COL24A1: variants seen among roughly 807,000 people sequenced by gnomAD.
COL24A1 encodes the protein collagen alpha-1(XXIV) chain.
COL24A1 carries 224 observed loss-of-function variants against 253.9 expected under a neutral mutation model. The ratio of observed to expected loss-of-function variants is 0.88; its 90% CI spans 0.79 to 0.99. The LOEUF is 0.99. Ranked by LOEUF, COL24A1 falls within the 50% of genes least tolerant of loss-of-function variation. The probability of loss-of-function intolerance (pLI) is 0.00; values close to 1 mark genes in which losing one functional copy is unlikely to be tolerated. For missense variants in COL24A1, 2,131 were observed against 2,068.5 expected, an observed-to-expected ratio of 1.03 and a Z score of -0.59; for synonymous variants, 685 against 673.7, an observed-to-expected ratio of 1.02 and a Z score of -0.26.
chr1:85,963,926 T>C (rs576413013), intron 23 of COL24A1, among the ~76,000 whole-genome samples: 2 of 152,182 alleles, frequency 1.3e-5, no homozygotes, highest in African/African-American at 4.8e-5. Context: ...TTGTAAATAC[T>C]ACAATCCTAT....
intron 47 of COL24A1, among the ~76,000 whole-genome samples, chr1:85,801,423 T>C (rs1245298381): frequency 6.6e-6 from 1 of 152,196 alleles, no homozygotes; most frequent in African/African-American, 2.4e-5. Context: ...AGGTAATATA[T>C]TTATTTCTCC....
In COL24A1 at chr1:86,089,168, A is replaced by T. The variant is rs560550022; in HGVS notation, c.1707+6T>A. 50 of 1,572,288 alleles carry T rather than the reference A, an allele frequency of 3.2e-5. No individual in the cohort carries two copies. The highest frequency in any genetic ancestry group is 4.3e-5 in the Admixed American group (2 of 46,124). ...AAAAAAGAAAAGAAGTAAAATTCCA[A>T]CTTACCTTATCACCTTGCATACCAG... On this transcript the variant is annotated splice_donor_region_variant and intron_variant, in intron 7 of 59. Transcript: ENST00000370571.
In COL24A1 at chr1:86,012,121, A is replaced by C. The variant is rs573613019; in HGVS notation, c.2310+5030T>G. ...AGCATAAGCCACCATGCCCAGCCTT[A>C]AAAATAAAAAAAATAAATAAAAATA... On this transcript the variant is annotated intron_variant, in intron 19 of 59. Transcript: ENST00000370571. Among the ~76,000 whole-genome samples, 95 of 152,164 alleles carry C rather than the reference A, an allele frequency of 6.2e-4. 1 individual carries two copies. The highest frequency in any genetic ancestry group is 2.2e-3 in the African/African-American group (92 of 41,546).
At chr1:85,977,404 GA>G (rs1692794216) in intron 20 of COL24A1, among the ~76,000 whole-genome samples, 1 of 152,080 alleles carries the variant, frequency 6.6e-6, no homozygotes, top group Admixed American at 6.6e-5. Context: ...TCAGAATATT[GA>G]TTATTAAGCT....
chr1:86,135,036 C>T (rs569517408), intron 2 of COL24A1, among the ~76,000 whole-genome samples: 14 of 151,760 alleles, frequency 9.2e-5, no homozygotes, highest in East Asian at 7.8e-4. Flanking sequence ...GGTGCTCCTG[C>T]ATTGGGTGTA....
intron 2 of COL24A1, among the ~76,000 whole-genome samples, chr1:86,127,398 AT>A (rs1322920600): frequency 6.6e-6 from 1 of 152,022 alleles, no homozygotes; most frequent in Non-Finnish European, 1.5e-5. Context: ...TGTCTGATTC[AT>A]TATTGGATCT....
intron 47 of COL24A1, among the ~76,000 whole-genome samples, chr1:85,805,071 C>T (rs1252866371): frequency 1.3e-5 from 2 of 152,084 alleles, no homozygotes; most frequent in African/African-American, 4.8e-5. Context: ...GAAGTCCTGG[C>T]CTCAAGAGGT....
intron 19 of COL24A1, among the ~76,000 whole-genome samples, chr1:85,993,998 A>G (rs1020511333): frequency 1.3e-5 from 2 of 152,016 alleles, no homozygotes; most frequent in African/African-American, 4.8e-5. Context: ...TAGCTTTAAG[A>G]TGTCCTGTTG....
rs182285149 is a variant in COL24A1 at position 86,108,509 on chromosome 1, G to A, written c.1599+4058C>T. Among the ~76,000 whole-genome samples the A allele has an allele frequency of 2.7e-3, 414 of 150,682 alleles. 2 individuals carry two copies. Among genetic ancestry groups the A allele is most frequent in the African/African-American group, 9.8e-3 (402 of 41,052 alleles). ...TTAAGAAAGGACTCTCGGGCTGGTC[G>A]CGGTGGCTCACGCCTGTACTCCCAG... On this transcript the variant is annotated intron_variant, in intron 5 of 59. Transcript: ENST00000370571.
intron 5 of COL24A1, among the ~76,000 whole-genome samples, chr1:86,106,651 T>C (rs897693320): frequency 6.6e-6 from 1 of 152,076 alleles, no homozygotes; most frequent in Non-Finnish European, 1.5e-5. Flanking sequence ...ATAAATAGAA[T>C]ACAGTTCATT....
chr1:85,908,450 GTGTTT>G (rs1685051691), intron 27 of COL24A1, 143 bp downstream of exon 27: 1 of 460,384 alleles, frequency 2.2e-6, no homozygotes, highest in Non-Finnish European at 4.0e-6. Context: ...AAATTCAAGA[GTGTTT>G]TGTATAGTTG....
At chr1:85,907,010 C>T (rs1281571339) in intron 28 of COL24A1, among the ~76,000 whole-genome samples, 184 bp downstream of exon 28, 2 of 151,652 alleles carry the variant, frequency 1.3e-5, no homozygotes, top group Non-Finnish European at 3.0e-5. Context: ...TTTATAACTA[C>T]AAAAGATTAT....
At chr1:85,899,067 A>T (rs1684033401) in intron 28 of COL24A1, among the ~76,000 whole-genome samples, 1 of 152,202 alleles carries the variant, frequency 6.6e-6, no homozygotes, top group African/African-American at 2.4e-5. Context: ...AGTTTTAAGC[A>T]TGAAGGTCCC....
intron 11 of COL24A1, among the ~76,000 whole-genome samples, chr1:86,047,204 C>A (rs1699974435): frequency 6.6e-6 from 1 of 152,184 alleles, no homozygotes; most frequent in Admixed American, 6.5e-5. Flanking sequence ...TTATTTTCCA[C>A]ATCTAAGGGA....
intron 19 of COL24A1, among the ~76,000 whole-genome samples, chr1:85,991,398 G>T (rs1694253169): frequency 6.6e-6 from 1 of 152,172 alleles, no homozygotes; most frequent in African/African-American, 2.4e-5. Context: ...ATGCACACTT[G>T]TGTGATAAAC....
At chr1:85,891,044 G>A (rs1683071311) in intron 31 of COL24A1, among the ~76,000 whole-genome samples, 1 of 151,436 alleles carries the variant, frequency 6.6e-6, no homozygotes, top group Non-Finnish European at 1.5e-5. Context: ...TTTGTAAATT[G>A]CATCTTTTTT....
chr1:86,104,670 A>G (rs766140109), intron 5 of COL24A1, among the ~76,000 whole-genome samples: 2 of 152,196 alleles, frequency 1.3e-5, no homozygotes, highest in Non-Finnish European at 2.9e-5. Context: ...CAACTCCTGG[A>G]CTACATGCTC....
intron 45 of COL24A1, among the ~76,000 whole-genome samples, chr1:85,822,451 A>G (rs929516771): frequency 6.6e-6 from 1 of 152,236 alleles, no homozygotes; most frequent in Non-Finnish European, 1.5e-5. Context: ...CAGGGCAGCA[A>G]TGAATTGAAG....
chr1:85,981,727 C>A (rs779373479), intron 20 of COL24A1, among the ~76,000 whole-genome samples: 7 of 152,052 alleles, frequency 4.6e-5, no homozygotes, highest in Non-Finnish European at 1.0e-4. Flanking sequence ...TAATGGAAAG[C>A]AATATTTTCA....
Sources: gnomAD v4.1 joint callset for allele counts (sites outside exome capture counted in the v4.1 genomes callset) on GRCh38, gnomAD v4.1.1 for gene constraint, MANE v1.5 for transcripts, NCBI Gene and HGNC (gene_info 2026-07-23, HGNC 2026-07-21) for gene names.